FAM167A: variants seen among roughly 807,000 people sequenced by gnomAD.
FAM167A encodes the protein protein FAM167A.
FAM167A carries 23 observed loss-of-function variants against 14.9 expected under a neutral mutation model. The observed-to-expected ratio is 1.55, with a 90% CI of 1.11 to 2.19. The LOEUF (loss-of-function observed/expected upper bound fraction) is 2.19, where lower values mean the gene tolerates loss of function less well. Ranked by LOEUF, FAM167A falls within the 30% of genes most tolerant of loss-of-function variation. FAM167A has a pLI of 0.00. For synonymous variants in FAM167A, 174 were observed against 117.7 expected (o/e 1.48, Z -3.10); for missense variants, 401 against 281.5 (o/e 1.42, Z -3.04).
chr8:11,434,445 G>A (rs1805851429), intron 2 of FAM167A, among the ~76,000 whole-genome samples: 1 of 152,162 alleles, frequency 6.6e-6, no homozygotes, highest in African/African-American at 2.4e-5. Context: ...CAGGCCTCCA[G>A]GGATCCTCCC....
intron 1 of FAM167A, among the ~76,000 whole-genome samples, chr8:11,447,959 G>A (rs1252927238): frequency 6.6e-6 from 1 of 152,174 alleles, no homozygotes; most frequent in Non-Finnish European, 1.5e-5. Flanking sequence ...ACTTTGGGAG[G>A]CCGAGGCGGG....
At chr8:11,427,171 A>C (rs557191996) in intron 2 of FAM167A, among the ~76,000 whole-genome samples, 10 of 152,232 alleles carry the variant, frequency 6.6e-5, no homozygotes, top group African/African-American at 2.2e-4. Flanking sequence ...GTGATTGTGG[A>C]GTCCTGAGAT....
chr8:11,463,285 G>A (rs1195220383), intron 1 of FAM167A, among the ~76,000 whole-genome samples: 2 of 152,226 alleles, frequency 1.3e-5, no homozygotes, highest in Non-Finnish European at 2.9e-5. Flanking sequence ...GTCAGTTCAC[G>A]CCTGGCATGG....
At chr8:11,442,533 G>T (rs991113170) in intron 2 of FAM167A, among the ~76,000 whole-genome samples, 4 of 152,120 alleles carry the variant, frequency 2.6e-5, no homozygotes, top group Non-Finnish European at 4.4e-5. Flanking sequence ...ATAAAATCTC[G>T]AACTCGAAAC....
Position 11,444,348 on chromosome 8 carries a change from G to A in FAM167A, c.64C>T (p.Pro22Ser). The A allele has an allele frequency of 1.2e-6, 2 of 1,603,098 alleles. No individual in the cohort carries two copies. The highest frequency in any genetic ancestry group is 1.7e-6 in the Non-Finnish European group (2 of 1,175,110). ...GAEEGAGAAA[P>S]PDDHLRSLKA... ...AGGCTCCGGAGGTGGTCATCGGGTG[G>A]TGCGGCTGCTCCCGCCCCCTCTTCT... The change falls in exon 2 of 3, where the codon CCA (proline) becomes TCA (serine). Residue 22 changes from proline (P) to serine (S), a missense_variant. Coordinates refer to ENST00000284486, the MANE Select transcript of FAM167A (RefSeq NM_053279.3).
chr8:11,444,971 T>TGCAA (rs1265862105), intron 1 of FAM167A, 163 bp from the exon 2 acceptor site: 1 of 692,416 alleles, frequency 1.4e-6, no homozygotes, highest in Non-Finnish European at 1.8e-6. Context: ...AATGCCTTAA[T>TGCAA]TCAATGCAGA....
At chr8:11,462,532 C>G (rs1355052562) in intron 1 of FAM167A, among the ~76,000 whole-genome samples, 2 of 152,308 alleles carry the variant, frequency 1.3e-5, no homozygotes, top group Non-Finnish European at 2.9e-5. Flanking sequence ...CGAAAGTTAA[C>G]TGAAGCGTGC....
intron 2 of FAM167A, among the ~76,000 whole-genome samples, chr8:11,436,606 G>C (rs1383158048): frequency 6.6e-6 from 1 of 152,206 alleles, no homozygotes; most frequent in Non-Finnish European, 1.5e-5. Context: ...CTGCAGGAAG[G>C]CCTCCCCCAT....
At chr8:11,462,503 G>C (rs75141777) in intron 1 of FAM167A, among the ~76,000 whole-genome samples, 1 of 152,170 alleles carries the variant, frequency 6.6e-6, no homozygotes, top group Admixed American at 6.5e-5. Flanking sequence ...CATCGAATTG[G>C]GAAATGGCTC....
rs373440277 is a variant in FAM167A at position 11,444,072 on chromosome 8, G to C, written c.340C>G (p.Gln114Glu). ...PLSTGKLEGF[Q>E]SIDEAIAWLR... The stretch of plus-strand genomic sequence containing the variant: ...CAGGCTATAGCTTCATCGATGCTCT[G>C]AAAGCCTTCCAGCTTGCCAGTGGAC... Residue 114 changes from glutamine (Q) to glutamate (E), a missense_variant, in exon 2 of 3, where the codon CAG becomes GAG. Gln to Glu is a conservative substitution (Grantham distance 29). Transcript: ENST00000284486. 5.6e-5 allele frequency: 90 copies of C among 1,613,542 alleles called. No individual in the cohort carries two copies. In the African/African-American group the frequency reaches 1.1e-3, roughly 20 times the overall value.
chr8:11,461,241 G>T (rs1343997987), intron 1 of FAM167A, among the ~76,000 whole-genome samples: 1 of 152,264 alleles, frequency 6.6e-6, no homozygotes, highest in Non-Finnish European at 1.5e-5. Flanking sequence ...GGGCGGCCCT[G>T]GCAGGCAGGA....
At chr8:11,431,919 A>T (rs1017262136) in intron 2 of FAM167A, among the ~76,000 whole-genome samples, 6 of 139,964 alleles carry the variant, frequency 4.3e-5, no homozygotes, top group Non-Finnish European at 1.5e-5. Context: ...AAAAAAAAAA[A>T]GGATTTTGTT....
chr8:11,423,999 ATGACAGC>A lies in FAM167A; in HGVS notation c.*367_*373del. The A allele has an allele frequency of 4.4e-6, 1 of 227,644 alleles. No individual in the cohort carries two copies. 14.1% of individuals were successfully genotyped at this position (227,644 alleles called of 1,614,324 possible). On this transcript the variant is annotated 3_prime_UTR_variant, in exon 3 of 3. Coordinates refer to ENST00000284486, the MANE Select transcript of FAM167A (RefSeq NM_053279.3). ...CCTTGCGGGACAGCCTTCTGCAAAA[ATGACAGC>A]TTTGTTGGGGGGCCTCCCTTTGGGA...
chr8:11,445,764 G>C (rs551819612), intron 1 of FAM167A, among the ~76,000 whole-genome samples: 6 of 152,224 alleles, frequency 3.9e-5, no homozygotes, highest in African/African-American at 1.2e-4. Context: ...GTGAATCAGA[G>C]TAGGAGACAT....
chr8:11,474,101 C>T (rs1797795394), intron 1 of FAM167A, among the ~76,000 whole-genome samples: 1 of 152,208 alleles, frequency 6.6e-6, no homozygotes, highest in African/African-American at 2.4e-5. Flanking sequence ...TCTTGAACCC[C>T]TGACCTCAGG....
At chr8:11,459,835 C>T (rs953488428) in intron 1 of FAM167A, among the ~76,000 whole-genome samples, 1 of 152,236 alleles carries the variant, frequency 6.6e-6, no homozygotes, top group African/African-American at 2.4e-5. Flanking sequence ...CCTGCCTCAG[C>T]CTCCTGAGTA....
At chr8:11,436,627 G>C (rs1428907215) in intron 2 of FAM167A, among the ~76,000 whole-genome samples, 7 of 152,234 alleles carry the variant, frequency 4.6e-5, no homozygotes, top group Non-Finnish European at 2.9e-5. Flanking sequence ...CTGCAGGCAG[G>C]AATTGGGGCT....
intron 1 of FAM167A, among the ~76,000 whole-genome samples, chr8:11,447,002 G>A (rs1177588931): frequency 6.6e-6 from 1 of 152,146 alleles, no homozygotes; most frequent in Non-Finnish European, 1.5e-5. Flanking sequence ...TCTGTGAGGA[G>A]ATAACATGGA....
chr8:11,437,166 C>T (rs1316922843), intron 2 of FAM167A, among the ~76,000 whole-genome samples: 1 of 152,156 alleles, frequency 6.6e-6, no homozygotes, highest in East Asian at 1.9e-4. Context: ...GAATCCAGAC[C>T]CACTGCAGGG....
Sources: gnomAD v4.1 joint callset for allele counts (sites outside exome capture counted in the v4.1 genomes callset) on GRCh38, gnomAD v4.1.1 for gene constraint, MANE v1.5 for transcripts, NCBI Gene and HGNC (gene_info 2026-07-23, HGNC 2026-07-21) for gene names.